Variants in TASOR2 observed in about 807,000 individuals in gnomAD.
The protein encoded by TASOR2 is protein TASOR 2.
In TASOR2, 84 loss-of-function variants were observed where a neutral mutation model predicts 199.5. The observed-to-expected ratio is 0.42, with a 90% CI of 0.35 to 0.50. The LOEUF (loss-of-function observed/expected upper bound fraction) is 0.50, where lower values mean the gene tolerates loss of function less well. Ranked by LOEUF, TASOR2 falls within the 20% of genes least tolerant of loss-of-function variation. The pLI is 0.02. For missense variants in TASOR2, 2,796 were observed against 2,835.9 expected, an observed-to-expected ratio of 0.99 and a Z score of 0.32; for synonymous variants, 1,103 against 1,046.6, an observed-to-expected ratio of 1.05 and a Z score of -1.04.
chr10:5,725,971 A>C (rs931367111), intron 8 of TASOR2, among the ~76,000 whole-genome samples: 2 of 152,212 alleles, frequency 1.3e-5, no homozygotes, highest in Non-Finnish European at 2.9e-5. Context: ...GTAATGTAAT[A>C]ATTTAAAAAG....
rs947294476 is a variant in TASOR2, at chr10:5,737,464, T to G, written c.1447+1918T>G. Reference sequence around the variant, plus strand: ...TTGTCCCTCTCGGGAGTTTATGGTGTGGCTGTACCTCCCCTCTCTGCGTTG... The same window carrying G: ...TTGTCCCTCTCGGGAGTTTATGGTGGGGCTGTACCTCCCCTCTCTGCGTTG... On this transcript the variant is annotated intron_variant, in intron 12 of 20. Transcript: ENST00000328090. The surrounding 1 kb of genome is among the most constrained non-coding windows in gnomAD (Gnocchi z 4.9). Among the ~76,000 whole-genome samples, 4 of 151,668 alleles carry G rather than the reference T, an allele frequency of 2.6e-5. No homozygotes were observed. The highest frequency in any genetic ancestry group is 9.7e-5 in the African/African-American group (4 of 41,266).
chr10:5,762,507 A>T (rs1261266638), intron 19 of TASOR2, 25 bp from the exon 21 acceptor site: 1 of 470,228 alleles, frequency 2.1e-6, no homozygotes. Context: ...ATTAACCAAA[A>T]GTTGTTTTTT....
At position 5,730,784 on chromosome 10, in the gene TASOR2, CTT is replaced by C; in HGVS notation, c.786_787del (p.Tyr263PhefsTer5). On this transcript the variant is annotated frameshift_variant, in exon 11 of 21. Transcript: ENST00000328090. LOFTEE classifies it high-confidence loss of function. This position sits in a 1 kb window ranked among gnomAD's most constrained non-coding sequence, Gnocchi z 4.1. The stretch of plus-strand genomic sequence containing the variant: ...TCAGAGTCTTTAACTCAGTTGAACT[CTT>C]ATTTTTCAGACCCTAGTGCTTACAT... The C allele has an allele frequency of 6.2e-7, 1 of 1,614,176 alleles. No homozygotes were observed. The highest frequency in any genetic ancestry group is 1.7e-5 in the Admixed American group (1 of 60,016).
intron 19 of TASOR2, 23 bp from the exon 21 acceptor site, chr10:5,762,509 T>TG (rs749417455): frequency 2.8e-5 from 12 of 430,450 alleles, no homozygotes; most frequent in Non-Finnish European, 3.6e-5. Flanking sequence ...TAACCAAAAG[T>TG]TGTTTTTTTT....
exon 15 of TASOR2, chr10:5,747,490 AAGG>A: frequency 6.2e-7 from 1 of 1,613,840 alleles, no homozygotes; most frequent in South Asian, 1.1e-5. Flanking sequence ...AGTAGAAAAT[AAGG>A]AGAGAAAGGG....
intron 6 of TASOR2, 82 bp from the exon 8 acceptor site, chr10:5,723,595 A>T: frequency 1.2e-6 from 1 of 805,578 alleles, no homozygotes; most frequent in Non-Finnish European, 1.9e-6. Flanking sequence ...TTTTGTTTAC[A>T]TTTATATTAG....
In TASOR2 at chr10:5,687,979, A is replaced by C. The variant is rs1202212150; in HGVS notation, c.-288+2804A>C. 6.6e-6 allele frequency among the ~76,000 whole-genome samples: 1 copy of C among 152,210 alleles called. No homozygotes were observed. Among genetic ancestry groups the C allele is most frequent in the Non-Finnish European group, 1.5e-5 (1 of 68,044 alleles). ...CATCTTAACATATTTTATCTCCCCA[A>C]AATTAGTGACAAGAATGGGATTTTT... On this transcript the variant is annotated intron_variant, in intron 1 of 20. Coordinates refer to ENST00000328090, the Ensembl canonical transcript of TASOR2. This position sits in a 1 kb window ranked among gnomAD's most constrained non-coding sequence, Gnocchi z 4.8.
chr10:5,723,874 A>G (rs1385909082), intron 7 of TASOR2, 97 bp downstream of exon 8: 1 of 649,108 alleles, frequency 1.5e-6, no homozygotes. Context: ...CTTCTGTTTC[A>G]TCATAAGTGA....
chr10:5,750,115 G>C lies in TASOR2; in HGVS notation c.6606+88G>C. 1 of 1,373,612 alleles carries C rather than the reference G, an allele frequency of 7.3e-7. No homozygotes were observed. Among genetic ancestry groups the C allele is most frequent in the African/African-American group, 1.5e-5 (1 of 68,474 alleles). The allele number at this position is 1,373,612 out of a possible 1,614,324, so 85.1% of individuals were successfully genotyped here. ...AATTTAGCATATTAGCCATCAAAAA[G>C]AAATCATGGTATGACATAGTATTTA... On this transcript the variant is annotated intron_variant, in intron 15 of 20. Coordinates refer to ENST00000328090, the Ensembl canonical transcript of TASOR2. This position sits in a 1 kb window ranked among gnomAD's most constrained non-coding sequence, Gnocchi z 5.4.
At chr10:5,757,619 C>T (rs750401358) in exon 17 of TASOR2, 13 of 1,613,678 alleles carry the variant, frequency 8.1e-6, no homozygotes, top group South Asian at 4.4e-5. Flanking sequence ...AGAACTGTTT[C>T]GTGCAGGAGG....
chr10:5,756,466 A>G, intron 15 of TASOR2, 147 bp from the exon 17 acceptor site: 2 of 616,908 alleles, frequency 3.2e-6, no homozygotes, highest in Non-Finnish European at 5.2e-6. Flanking sequence ...TATTTTATAT[A>G]TAAAAGGTGC....
At position 5,742,408 on chromosome 10, in the gene TASOR2, C is replaced by T. The variant is rs751228931; in HGVS notation, c.2639C>T (p.Thr880Ile). Reference sequence around the variant, plus strand: ...AACTGCTTGCTTCCTTTCATTAAAACACCACTTACCCAAGGCTTGGAACTC... The same window carrying T: ...AACTGCTTGCTTCCTTTCATTAAAATACCACTTACCCAAGGCTTGGAACTC... The change falls in exon 14 of 21, where the codon ACA becomes ATA. Residue 880 changes from threonine to isoleucine, a missense_variant. Physicochemically the swap from Thr to Ile is moderately conservative, Grantham distance 89. Transcript: ENST00000328090. This position sits in a 1 kb window ranked among gnomAD's most constrained non-coding sequence, Gnocchi z 4.2. The T allele has an allele frequency of 1.2e-6, 2 of 1,614,096 alleles. No individual in the cohort carries two copies. The highest frequency in any genetic ancestry group is 1.1e-5 in the South Asian group (1 of 91,080).
In TASOR2 at chr10:5,730,622, G is replaced by A. The variant is rs746590270; in HGVS notation, c.623G>A (p.Arg208His). The A allele has an allele frequency of 8.1e-6, 13 of 1,614,040 alleles. No individual in the cohort carries two copies. Among genetic ancestry groups the A allele is most frequent in the South Asian group, 2.2e-5 (2 of 91,092 alleles). Residue 208 changes from arginine (R) to histidine (H), a missense_variant, in exon 11 of 21, where the codon CGT (arginine) becomes CAT (histidine). Around this residue, in one of 3 missense-constraint regions of TASOR2, gnomAD observed 847 missense variants for 887.4 expected, o/e 0.95. Coordinates refer to ENST00000328090, the Ensembl canonical transcript of TASOR2. This position sits in a 1 kb window ranked among gnomAD's most constrained non-coding sequence, Gnocchi z 4.1. ...ATCCATCCAAACACATTAGTAAAGC[G>A]TCATTTCCAAGAATTGTACAAGGCG...
At chr10:5,724,123 A>C (rs1833725606) in intron 7 of TASOR2, among the ~76,000 whole-genome samples, 1 of 152,234 alleles carries the variant, frequency 6.6e-6, no homozygotes, top group Non-Finnish European at 1.5e-5. Context: ...ACTCAAAGAA[A>C]AACCATGAGA....
chr10:5,755,917 G>A (rs1260533212), intron 15 of TASOR2, among the ~76,000 whole-genome samples: 7 of 151,858 alleles, frequency 4.6e-5, no homozygotes, highest in Admixed American at 4.6e-4. Context: ...GCTTGAGCCC[G>A]GGAGGTCAAA....
Position 5,706,938 on chromosome 10 carries a change from G to A in TASOR2, c.-287-5885G>A, listed in dbSNP as rs974240832. 1.3e-5 allele frequency among the ~76,000 whole-genome samples: 2 copies of A among 152,074 alleles called. No homozygotes were observed. Among genetic ancestry groups the A allele is most frequent in the African/African-American group, 4.8e-5 (2 of 41,398 alleles). On this transcript the variant is annotated intron_variant, in intron 1 of 20. Transcript: ENST00000328090. This position sits in a 1 kb window ranked among gnomAD's most constrained non-coding sequence, Gnocchi z 4.8. ...GAGTTGCTTGAACCCGGGAGGTGGA[G>A]GTTGCAGTGAACCAGAATCAAGCCA...
chr10:5,741,971 A>C (rs1836492421), intron 13 of TASOR2, 126 bp from the exon 15 acceptor site: 2 of 806,870 alleles, frequency 2.5e-6, no homozygotes, highest in East Asian at 5.3e-5. Flanking sequence ...TTCATGTTTC[A>C]TATCTGTAAA....
chr10:5,699,988 A>G lies in TASOR2; in HGVS notation c.-287-12835A>G. 6.6e-6 allele frequency among the ~76,000 whole-genome samples: 1 copy of G among 152,192 alleles called. No homozygotes were observed. Among genetic ancestry groups the G allele is most frequent in the East Asian group, 1.9e-4 (1 of 5,202 alleles). ...ACTCAAATTCTATTCATTTTGAAAT[A>G]TATAATAGATTGTAAACTACAGTCA... On this transcript the variant is annotated intron_variant, in intron 1 of 20. Coordinates refer to ENST00000328090, the Ensembl canonical transcript of TASOR2. This position sits in a 1 kb window ranked among gnomAD's most constrained non-coding sequence, Gnocchi z 4.1.
rs766285568 is a variant in TASOR2, at chr10:5,724,414, C to T, written c.248-16C>T. 14 of 1,380,300 alleles carry T rather than the reference C, an allele frequency of 1.0e-5. No individual in the cohort carries two copies. The highest frequency in any genetic ancestry group is 1.3e-5 in the Non-Finnish European group (13 of 1,012,792). 85.5% of individuals were successfully genotyped at this position (1,380,300 alleles called of 1,614,324 possible). A position where few individuals can be genotyped will look rare whatever the true frequency, so the allele number is the denominator to read the frequency against. On this transcript the variant is annotated splice_polypyrimidine_tract_variant and intron_variant, in intron 7 of 20. Coordinates refer to ENST00000328090, the Ensembl canonical transcript of TASOR2. ...CGTATTAAAAATAAGAAATGTTTTT[C>T]TGGTTTTCTCTACAGTCTGTTTTCA...
Sources: gnomAD v4.1 joint callset for allele counts (sites outside exome capture counted in the v4.1 genomes callset) on GRCh38, gnomAD v4.1.1 for gene constraint, gnomAD v4.1.1 regional missense constraint, Gnocchi (gnomAD v3.1) non-coding constraint, MANE v1.5 for transcripts, NCBI Gene and HGNC (gene_info 2026-07-23, HGNC 2026-07-21) for gene names.